The following DIPK2B variants were observed in gnomAD, a reference collection of about 807,000 sequenced individuals.
The protein encoded by DIPK2B is UPF0672 protein CXorf36.
In DIPK2B, 15 loss-of-function variants were observed where a neutral mutation model predicts 22.2. That is an observed-to-expected ratio of 0.68 (90% CI 0.45 to 1.04). The LOEUF is 1.04. Ranked by LOEUF, DIPK2B falls within the 50% of genes least tolerant of loss-of-function variation. The pLI is 0.00. For synonymous variants in DIPK2B, 163 were observed against 153.2 expected, an observed-to-expected ratio of 1.06 and a Z score of -0.47; for missense variants, 345 against 348.3, an observed-to-expected ratio of 0.99 and a Z score of 0.08.
Position 45,150,837 on chromosome X carries a change from A to G in DIPK2B, c.*815T>C, listed in dbSNP as rs963176316. On this transcript the variant is annotated 3_prime_UTR_variant, in exon 5 of 5. Coordinates refer to ENST00000398000, the MANE Select transcript of DIPK2B (RefSeq NM_176819.4). ...GCAGCTCGACTTACTGGTCCTCCCA[A>G]TCTTCTCCGGCTCCCTCCTTCTTTC... 1 of 111,578 alleles carries G rather than the reference A, an allele frequency of 9.0e-6. No homozygotes were observed. The highest frequency in any genetic ancestry group is 9.5e-5 in the Admixed American group (1 of 10,510). 9.2% of individuals were successfully genotyped at this position (111,578 alleles called of 1,213,427 possible).
intron 2 of DIPK2B, among the ~76,000 whole-genome samples, chrX:45,159,894 T>C (rs761249328): frequency 8.9e-6 from 1 of 112,378 alleles, no homozygotes; most frequent in South Asian, 3.7e-4. Context: ...GCTTTTTTCT[T>C]CTGATTTTGA....
At chrX:45,161,061 C>G (rs1376217403) in intron 2 of DIPK2B, among the ~76,000 whole-genome samples, 1 of 111,616 alleles carries the variant, frequency 9.0e-6, no homozygotes, top group Non-Finnish European at 1.9e-5. Context: ...GAGGATGTAG[C>G]TTTCTTCACT....
chrX:45,168,451 C>T (rs760254688), intron 2 of DIPK2B, among the ~76,000 whole-genome samples: 20 of 112,445 alleles, frequency 1.8e-4, no homozygotes, highest in Non-Finnish European at 2.6e-4. Context: ...GAAATGTTTT[C>T]CTTGCAACAG....
intron 2 of DIPK2B, among the ~76,000 whole-genome samples, chrX:45,170,243 C>CAA (rs145240278): frequency 3.8e-5 from 2 of 52,602 alleles, no homozygotes; most frequent in African/African-American, 7.8e-5. Flanking sequence ...GACTCCGTCT[C>CAA]AAAAAAAAAA....
At chrX:45,163,264 T>C (rs368812641) in intron 2 of DIPK2B, 2 of 353,543 alleles carry the variant, frequency 5.7e-6, no homozygotes, top group East Asian at 4.2e-4. Context: ...AGGCCTACCA[T>C]ATGGATTTTG....
Position 45,150,690 on chromosome X carries a change from C to G in DIPK2B, c.*962G>C, listed in dbSNP as rs762161038. On this transcript the variant is annotated 3_prime_UTR_variant, in exon 5 of 5. Coordinates refer to ENST00000398000, the MANE Select transcript of DIPK2B (RefSeq NM_176819.4). ...TAACGGGGTCTATTTGTGGGAGACA[C>G]GGGGCTCTTCTGATGGCTGCCTTTG... 3 of 111,324 alleles carry G rather than the reference C, an allele frequency of 2.7e-5. No homozygotes were observed. Among genetic ancestry groups the G allele is most frequent in the Non-Finnish European group, 5.7e-5 (3 of 53,059 alleles). 9.2% of individuals were successfully genotyped at this position (111,324 alleles called of 1,213,427 possible).
intron 2 of DIPK2B, among the ~76,000 whole-genome samples, chrX:45,188,992 C>T (rs773215393): frequency 3.6e-5 from 4 of 112,225 alleles, no homozygotes; most frequent in East Asian, 5.6e-4. Flanking sequence ...CATTGGTTGA[C>T]GAACAACATT....
intron 2 of DIPK2B, among the ~76,000 whole-genome samples, chrX:45,185,652 T>A (rs770226457): frequency 5.4e-5 from 5 of 93,043 alleles, no homozygotes; most frequent in African/African-American, 1.8e-4. Flanking sequence ...TCTTTTCTTT[T>A]CTTTTTTTTT....
chrX:45,185,339 T>C (rs1051391537), intron 2 of DIPK2B, among the ~76,000 whole-genome samples: 11 of 112,039 alleles, frequency 9.8e-5, no homozygotes, highest in African/African-American at 3.6e-4. Context: ...GGAAGAATTG[T>C]ATAGAACAAA....
chrX:45,179,194 A>G (rs932214307), intron 2 of DIPK2B, among the ~76,000 whole-genome samples: 5 of 111,369 alleles, frequency 4.5e-5, no homozygotes, highest in African/African-American at 1.6e-4. Flanking sequence ...CCCCCAACAA[A>G]GAATGATCCA....
chrX:45,180,368 G>A (rs1238765950), intron 2 of DIPK2B, among the ~76,000 whole-genome samples: 1 of 111,686 alleles, frequency 9.0e-6, no homozygotes, highest in African/African-American at 3.3e-5. Context: ...CTAGACATGA[G>A]ATAGGTCACC....
intron 1 of DIPK2B, among the ~76,000 whole-genome samples, chrX:45,195,826 A>AAT (rs1001542053): frequency 8.9e-6 from 1 of 111,847 alleles, no homozygotes; most frequent in African/African-American, 3.3e-5. Context: ...CTGAGGTTCC[A>AAT]ATCACCTGTC....
chrX:45,173,251 A>C (rs2047094022), intron 2 of DIPK2B, among the ~76,000 whole-genome samples: 1 of 111,718 alleles, frequency 9.0e-6, no homozygotes, highest in African/African-American at 3.3e-5. Flanking sequence ...CTTCAACTAG[A>C]CTGAGCTAGC....
chrX:45,163,938 A>G (rs2047034719), intron 2 of DIPK2B: 1 of 920,388 alleles, frequency 1.1e-6, no homozygotes, highest in African/African-American at 2.1e-5. Context: ...AGCCCCATCT[A>G]GGGGACCACA....
chrX:45,200,414 T>G (rs1228396642), intron 1 of DIPK2B, among the ~76,000 whole-genome samples, 180 bp downstream of exon 1: 1 of 112,166 alleles, frequency 8.9e-6, no homozygotes, highest in Non-Finnish European at 1.9e-5. Context: ...GGCTGGAATT[T>G]GGCTTCACAT....
chrX:45,200,702 G>C lies in DIPK2B; in HGVS notation c.125C>G (p.Pro42Arg), dbSNP rs1193403019. Residue 42 changes from proline to arginine, a missense_variant, in exon 1 of 5, where the codon CCC becomes CGC. Coordinates refer to ENST00000398000, the MANE Select transcript of DIPK2B (RefSeq NM_176819.4). ...AAAATTGTAGCTGGTTCTGACTTGG[G>C]GCACCAGAGAAGAAAGGGAAGAAGC... Reference protein sequence around the residue: ...LPASSLSSLVPQVRTSYNFGR... With the variant: ...LPASSLSSLVRQVRTSYNFGR... 6 of 1,212,242 alleles carry C rather than the reference G, an allele frequency of 4.9e-6. No homozygotes were observed. Among genetic ancestry groups the C allele is most frequent in the Admixed American group, 4.3e-5 (2 of 46,146 alleles).
chrX:45,173,245 A>G (rs1487483632), intron 2 of DIPK2B, among the ~76,000 whole-genome samples: 1 of 111,724 alleles, frequency 9.0e-6, no homozygotes, highest in Non-Finnish European at 1.9e-5. Context: ...CTTTTTCTTC[A>G]ACTAGACTGA....
intron 1 of DIPK2B, among the ~76,000 whole-genome samples, chrX:45,199,512 C>T (rs1352662305): frequency 1.8e-5 from 2 of 111,299 alleles, no homozygotes; most frequent in East Asian, 2.8e-4. Context: ...CCACATACAC[C>T]CCATGCTCTA....
At chrX:45,163,915 T>A in intron 2 of DIPK2B, 1 of 900,109 alleles carries the variant, frequency 1.1e-6, no homozygotes, top group Non-Finnish European at 1.4e-6. Context: ...TGGATTGGGG[T>A]GGGCTCAGCA....
Sources: allele counts gnomAD v4.1 joint callset (sites outside exome capture counted in the v4.1 genomes callset), GRCh38; gene constraint gnomAD v4.1.1; transcripts MANE v1.5; gene names NCBI Gene and HGNC (gene_info 2026-07-23, HGNC 2026-07-21).